The following SORCS2 variants were observed in gnomAD, a reference collection of about 807,000 sequenced individuals.
SORCS2 encodes sortilin related VPS10 domain containing receptor 2.
Under a neutral mutation model 141.6 loss-of-function variants are expected in SORCS2, and 100 were observed. That is an observed-to-expected ratio of 0.71 (90% CI 0.60 to 0.83). The LOEUF is 0.83. Ranked by LOEUF, SORCS2 falls within the 40% of genes least tolerant of loss-of-function variation. The pLI is 0.00. For missense variants in SORCS2, 1,646 were observed against 1,560.2 expected (o/e 1.05, Z -0.93); for synonymous variants, 789 against 676.9 (o/e 1.17, Z -2.57).
At chr4:7,338,408 T>C (rs1309403677) in intron 1 of SORCS2, among the ~76,000 whole-genome samples, 1 of 90,510 alleles carries the variant, frequency 1.1e-5, no homozygotes, top group Non-Finnish European at 2.3e-5. Flanking sequence ...TGGTTGGATG[T>C]CGGTTGGATG....
chr4:7,548,915 A>G (rs1418758798), intron 3 of SORCS2, among the ~76,000 whole-genome samples: 1 of 152,182 alleles, frequency 6.6e-6, no homozygotes, highest in African/African-American at 2.4e-5. Flanking sequence ...CCAGCAGGCC[A>G]CTTTCTGAGC....
rs145772373 is a variant in SORCS2 at position 7,211,669 on chromosome 4, G to A, written c.480+18543G>A. Among the ~76,000 whole-genome samples, 179 of 152,250 alleles carry A rather than the reference G, an allele frequency of 1.2e-3. 1 individual carries two copies. The highest frequency in any genetic ancestry group is 1.8e-3 in the Non-Finnish European group (124 of 68,018). The stretch of plus-strand genomic sequence containing the variant: ...ATTACAGGTGTGAGCCACCATGTCC[G>A]GCCTAGGATGCCTTTTAAAGACAGA... On this transcript the variant is annotated intron_variant, in intron 1 of 26. Coordinates refer to ENST00000507866, the MANE Select transcript of SORCS2 (RefSeq NM_020777.3).
At chr4:7,708,636 C>A (rs1212057174) in intron 14 of SORCS2, among the ~76,000 whole-genome samples, 1 of 152,344 alleles carries the variant, frequency 6.6e-6, no homozygotes, top group Non-Finnish European at 1.5e-5. Context: ...GTCCTCCCTC[C>A]GTCTTTACCA....
chr4:7,483,322 C>CA (rs34942012), intron 2 of SORCS2, among the ~76,000 whole-genome samples: 22,511 of 75,530 alleles, frequency 0.3, 2,892 homozygotes, highest in South Asian at 0.36. Flanking sequence ...GACTCCATCT[C>CA]AAAAAAAAAA....
At chr4:7,594,207 G>A (rs542379834) in intron 3 of SORCS2, among the ~76,000 whole-genome samples, 16 of 152,302 alleles carry the variant, frequency 1.1e-4, no homozygotes, top group African/African-American at 2.6e-4. Flanking sequence ...CTCTGGCCTC[G>A]GTGTATTCCT....
chr4:7,563,878 T>A (rs538657655), intron 3 of SORCS2, among the ~76,000 whole-genome samples: 1 of 152,178 alleles, frequency 6.6e-6, no homozygotes, highest in African/African-American at 2.4e-5. Context: ...CGCTAAGCAA[T>A]GTAAGTGAGA....
At chr4:7,714,108 T>G (rs1428030765) in intron 15 of SORCS2, 132 bp from the exon 16 acceptor site, 2 of 1,322,102 alleles carry the variant, frequency 1.5e-6, no homozygotes, top group African/African-American at 3.0e-5. Flanking sequence ...CGCCCCATTA[T>G]GGGCCTCAGT....
intron 1 of SORCS2, among the ~76,000 whole-genome samples, chr4:7,243,182 A>T (rs1369483574): frequency 2.6e-5 from 4 of 152,140 alleles, no homozygotes; most frequent in Non-Finnish European, 5.9e-5. Flanking sequence ...GTCACGTGGG[A>T]TGTTCTGGTC....
chr4:7,338,640 A>G (rs1212451573), intron 1 of SORCS2, among the ~76,000 whole-genome samples: 1 of 152,148 alleles, frequency 6.6e-6, no homozygotes, highest in Non-Finnish European at 1.5e-5. Context: ...TGCCCTCTCC[A>G]GCTTTGCCCA....
chr4:7,299,990 C>T (rs1292513964), intron 1 of SORCS2, among the ~76,000 whole-genome samples: 1 of 152,176 alleles, frequency 6.6e-6, no homozygotes, highest in Non-Finnish European at 1.5e-5. Flanking sequence ...AGGCAGGAGT[C>T]AGGGCTTGGT....
At chr4:7,525,435 C>T (rs1013376638) in intron 2 of SORCS2, among the ~76,000 whole-genome samples, 8 of 152,024 alleles carry the variant, frequency 5.3e-5, no homozygotes, top group African/African-American at 1.7e-4. Context: ...CAGCAGTGGG[C>T]GGACATGAGC....
intron 3 of SORCS2, among the ~76,000 whole-genome samples, chr4:7,546,667 C>T (rs1186780451): frequency 6.6e-6 from 1 of 152,176 alleles, no homozygotes; most frequent in African/African-American, 2.4e-5. Flanking sequence ...GGGCCCCTGC[C>T]TCCTCATGGG....
At chr4:7,348,916 T>C (rs1720786812) in intron 1 of SORCS2, among the ~76,000 whole-genome samples, 1 of 152,236 alleles carries the variant, frequency 6.6e-6, no homozygotes, top group South Asian at 2.1e-4. Context: ...ACCCATCATG[T>C]GAGCGGCCTC....
chr4:7,643,818 C>A (rs531149009), intron 4 of SORCS2, among the ~76,000 whole-genome samples: 1 of 152,270 alleles, frequency 6.6e-6, no homozygotes, highest in African/African-American at 2.4e-5. Flanking sequence ...GCGTTGGCTG[C>A]TGTGAATATC....
intron 2 of SORCS2, among the ~76,000 whole-genome samples, chr4:7,526,758 G>A (rs999757669): frequency 1.3e-5 from 2 of 152,256 alleles, no homozygotes; most frequent in African/African-American, 4.8e-5. Flanking sequence ...GGCCGAAGGT[G>A]TATGGGGATG....
chr4:7,433,430 G>A, intron 2 of SORCS2: 1 of 1,527,122 alleles, frequency 6.5e-7, no homozygotes, highest in Non-Finnish European at 8.8e-7. Context: ...CTTGGGCCCA[G>A]GGCACACTGG....
chr4:7,252,213 G>A (rs1713553593), intron 1 of SORCS2, among the ~76,000 whole-genome samples: 1 of 152,172 alleles, frequency 6.6e-6, no homozygotes, highest in African/African-American at 2.4e-5. Context: ...AAGGAGGCCC[G>A]AGGCAGGAGA....
chr4:7,700,685 C>A (rs1725008087), intron 12 of SORCS2, among the ~76,000 whole-genome samples: 1 of 152,204 alleles, frequency 6.6e-6, no homozygotes, highest in African/African-American at 2.4e-5. Flanking sequence ...CCCGGCATGA[C>A]AACTCCCCTG....
intron 24 of SORCS2, 27 bp downstream of exon 24, chr4:7,733,448 A>C: frequency 1.3e-6 from 2 of 1,540,278 alleles, no homozygotes; most frequent in Non-Finnish European, 1.8e-6. Flanking sequence ...TCCCCTGCGG[A>C]ATGGGTGGAG....
Sources: allele counts gnomAD v4.1 joint callset (sites outside exome capture counted in the v4.1 genomes callset), GRCh38; gene constraint gnomAD v4.1.1; transcripts MANE v1.5; gene names NCBI Gene and HGNC (gene_info 2026-07-23, HGNC 2026-07-21).